ATE1: variants seen among roughly 807,000 people sequenced by gnomAD.
The protein encoded by ATE1 is arginyltransferase 1.
In ATE1, 36 loss-of-function variants were observed where a neutral mutation model predicts 70.5. The observed-to-expected ratio is 0.51, with a 90% confidence interval of 0.39 to 0.67. The LOEUF is 0.67. ATE1 is among the 30% of genes least tolerant of loss of function. The pLI, the probability that ATE1 is intolerant of heterozygous loss-of-function variation, is 0.00. For missense variants in ATE1, 593 were observed against 629.5 expected (o/e 0.94, Z 0.62); for synonymous variants, 232 against 219.3 (o/e 1.06, Z -0.51).
rs1441552943 is a variant in ATE1 at position 121,741,479 on chromosome 10, G to GAA, written c.*2199_*2200dup. The stretch of plus-strand genomic sequence containing the variant: ...CAGGGATGATTCATCATTTTCCTCT[G>GAA]AAAATGAATTCTGCAGGAAGAAACC... On this transcript the variant is annotated 3_prime_UTR_variant, in exon 12 of 12. Coordinates refer to ENST00000224652, the MANE Select transcript of ATE1 (RefSeq NM_001001976.3). 1 of 152,202 alleles carries GAA rather than the reference G, an allele frequency of 6.6e-6. No homozygotes were observed. The highest frequency in any genetic ancestry group is 2.4e-5 in the African/African-American group (1 of 41,444). The allele number at this position is 152,202 out of a possible 1,614,324, so 9.4% of individuals were successfully genotyped here. A position where few individuals can be genotyped will look rare whatever the true frequency, so the allele number is the denominator to read the frequency against.
intron 8 of ATE1, among the ~76,000 whole-genome samples, chr10:121,852,406 AT>A (rs201539144): frequency 2.6e-5 from 4 of 151,652 alleles, no homozygotes; most frequent in African/African-American, 7.3e-5. Context: ...TTGCTTTTTT[AT>A]TTTTTTTTAA....
chr10:121,818,587 GA>G lies in ATE1; in HGVS notation c.1257+18130del, dbSNP rs530641598. Among the ~76,000 whole-genome samples, 642 of 152,132 alleles carry G rather than the reference GA, an allele frequency of 4.2e-3. 6 individuals carry two copies. Among genetic ancestry groups the G allele is most frequent in the African/African-American group, 0.015 (608 of 41,522 alleles). ...GAGCAAGTCCATGGTTATTTGTAAA[GA>G]AAAAAATCCTTTATTTTTAAATGAA... On this transcript the variant is annotated intron_variant, in intron 10 of 11. Transcript: ENST00000224652.
At chr10:121,789,871 G>C (rs1034445815) in intron 11 of ATE1, among the ~76,000 whole-genome samples, 1 of 152,172 alleles carries the variant, frequency 6.6e-6, no homozygotes, top group Non-Finnish European at 1.5e-5. Flanking sequence ...CACCGTGATA[G>C]TTGGAAAAGA....
At chr10:121,893,638 A>AT (rs759953304) in intron 7 of ATE1, among the ~76,000 whole-genome samples, 1 of 152,086 alleles carries the variant, frequency 6.6e-6, no homozygotes, top group Non-Finnish European at 1.5e-5. Flanking sequence ...CAGAAGTAAC[A>AT]TTTTTTTACA....
At chr10:121,757,469 AT>A (rs533600639) in intron 11 of ATE1, among the ~76,000 whole-genome samples, 1 of 152,122 alleles carries the variant, frequency 6.6e-6, no homozygotes, top group African/African-American at 2.4e-5. Flanking sequence ...GTATTAGTCC[AT>A]TTTCAGGCTG....
chr10:121,927,932 C>A lies in ATE1; in HGVS notation c.18G>T (p.Gly6=). The change falls in exon 1 of 12, where the codon GGG becomes GGT. Residue 6 remains glycine, a synonymous_variant. Transcript: ENST00000224652. MAFWA[G]GSPSVVDYFP... is the part of the protein sequence containing the mutation. ...AATAGTCCACGACGCTGGGCGAACC[C>A]CCCGCCCAGAAAGCCATGGCCTCGG... 1.9e-6 allele frequency: 3 copies of A among 1,573,032 alleles called. No homozygotes were observed. The highest frequency in any genetic ancestry group is 1.4e-5 in the African/African-American group (1 of 71,114).
chr10:121,848,638 C>T lies in ATE1; in HGVS notation c.976-7375G>A, dbSNP rs866201397. 2.3e-3 allele frequency among the ~76,000 whole-genome samples: 315 copies of T among 139,906 alleles called. 2 individuals are homozygous for T. Among genetic ancestry groups the T allele is most frequent in the African/African-American group, 8.0e-3 (299 of 37,336 alleles). The allele number at this position is 139,906 out of a possible 152,430, so 91.8% of individuals were successfully genotyped here. The stretch of plus-strand genomic sequence containing the variant: ...AAAAAAAAAAAAAAAGGGCCAGGTG[C>T]GGTGGCTCATGCCTGTAATCCCAGC... On this transcript the variant is annotated intron_variant, in intron 8 of 11. Coordinates refer to ENST00000224652, the MANE Select transcript of ATE1 (RefSeq NM_001001976.3).
chr10:121,891,360 T>C (rs186776720), intron 7 of ATE1, among the ~76,000 whole-genome samples: 21 of 152,164 alleles, frequency 1.4e-4, no homozygotes, highest in African/African-American at 4.3e-4. Flanking sequence ...TGATTTTACA[T>C]GGAGGTTACC....
At chr10:121,762,275 T>C (rs1224694836) in intron 11 of ATE1, among the ~76,000 whole-genome samples, 1 of 152,324 alleles carries the variant, frequency 6.6e-6, no homozygotes, top group East Asian at 1.9e-4. Flanking sequence ...AGCTACGTAG[T>C]GTCCTTTTCT....
At chr10:121,756,436 C>T (rs1312608469) in intron 11 of ATE1, among the ~76,000 whole-genome samples, 1 of 152,216 alleles carries the variant, frequency 6.6e-6, no homozygotes, top group Non-Finnish European at 1.5e-5. Context: ...CAGCCCCACC[C>T]AGCGGTGTCC....
At chr10:121,859,260 ATT>A (rs1308495218) in intron 8 of ATE1, among the ~76,000 whole-genome samples, 1 of 146,370 alleles carries the variant, frequency 6.8e-6, no homozygotes, top group African/African-American at 2.5e-5. Flanking sequence ...ATTTTATTTT[ATT>A]TTTTTTTTTT....
At chr10:121,760,451 C>T (rs1261280647) in intron 11 of ATE1, among the ~76,000 whole-genome samples, 1 of 152,170 alleles carries the variant, frequency 6.6e-6, no homozygotes, top group Non-Finnish European at 1.5e-5. Flanking sequence ...TTCCAAACCT[C>T]ATGGATGATT....
chr10:121,887,861 A>C (rs1950454087), intron 7 of ATE1, among the ~76,000 whole-genome samples: 2 of 152,226 alleles, frequency 1.3e-5, no homozygotes, highest in African/African-American at 2.4e-5. Context: ...CTTTACAGAG[A>C]GAAAGAATTT....
At chr10:121,852,833 AGT>A in intron 8 of ATE1, among the ~76,000 whole-genome samples, 1 of 152,300 alleles carries the variant, frequency 6.6e-6, no homozygotes, top group East Asian at 1.9e-4. Context: ...GAAATGAAAA[AGT>A]AATAAATTTG....
Position 121,911,443 on chromosome 10 carries a change from A to G in ATE1, c.338-292T>C, listed in dbSNP as rs909140535. On this transcript the variant is annotated intron_variant, in intron 4 of 11. Coordinates refer to ENST00000224652, the MANE Select transcript of ATE1 (RefSeq NM_001001976.3). ...TGAGACACTATCTCTACAGTAAATT[A>G]AAAAAAAAAAAAAAAAACAAAAACT... is the stretch of plus-strand genomic sequence containing the variant. 1.9e-4 allele frequency among the ~76,000 whole-genome samples: 9 copies of G among 46,292 alleles called. No individual in the cohort carries two copies. The Admixed American group carries it at 2.4e-3, about 13-fold the overall frequency. The allele number at this position is 46,292 out of a possible 152,430, so 30.4% of individuals were successfully genotyped here.
chr10:121,850,058 A>C (rs902383065), intron 8 of ATE1, among the ~76,000 whole-genome samples: 1 of 152,190 alleles, frequency 6.6e-6, no homozygotes, highest in Non-Finnish European at 1.5e-5. Context: ...TATCTATAAG[A>C]GTGGTCACGT....
At chr10:121,898,065 C>T (rs1950845656) in intron 7 of ATE1, among the ~76,000 whole-genome samples, 1 of 152,038 alleles carries the variant, frequency 6.6e-6, no homozygotes, top group Admixed American at 6.6e-5. Flanking sequence ...AACTCTAATT[C>T]TTCTGCATCT....
At chr10:121,918,968 GTAAAATGGACCAATCAGCACTCTA>G (rs1358681958) in intron 3 of ATE1, among the ~76,000 whole-genome samples, 59 of 152,158 alleles carry the variant, frequency 3.9e-4, no homozygotes, top group East Asian at 2.9e-3. Flanking sequence ...CTAGAGGTTT[GTAAAATGGACCAATCAGCACTCTA>G]TAAAATGGAC....
intron 8 of ATE1, among the ~76,000 whole-genome samples, chr10:121,845,697 T>C (rs1948791671): frequency 1.3e-5 from 2 of 152,082 alleles, no homozygotes; most frequent in East Asian, 1.9e-4. Flanking sequence ...ATTCAGTAAA[T>C]GGATGGCAGA....
Sources: gnomAD v4.1 joint callset for allele counts (sites outside exome capture counted in the v4.1 genomes callset) on GRCh38, gnomAD v4.1.1 for gene constraint, MANE v1.5 for transcripts, NCBI Gene and HGNC (gene_info 2026-07-23, HGNC 2026-07-21) for gene names.